CBY1: variants seen among roughly 807,000 people sequenced by gnomAD.
The protein encoded by CBY1 is chibby 1, beta catenin antagonist.
Under a neutral mutation model 15.6 loss-of-function variants are expected in CBY1, and 10 were observed. That is an observed-to-expected ratio of 0.64 (90% CI 0.40 to 1.09). CBY1 has a LOEUF of 1.09. CBY1 is among the 50% of genes least tolerant of loss of function. The probability of loss-of-function intolerance (pLI) is 0.01; values close to 1 mark genes in which losing one functional copy is unlikely to be tolerated. For synonymous variants in CBY1, 61 were observed against 63.5 expected, an observed-to-expected ratio of 0.96 and a Z score of 0.19; for missense variants, 150 against 160.5, an observed-to-expected ratio of 0.93 and a Z score of 0.35.
At chr22:38,660,806 C>CA (rs138690) in intron 1 of CBY1, among the ~76,000 whole-genome samples, 4 of 152,116 alleles carry the variant, frequency 2.6e-5, no homozygotes, top group South Asian at 4.1e-4. Flanking sequence ...GACACGATCT[C>CA]CCTCACCGCA....
intron 1 of CBY1, chr22:38,657,094 G>A (rs2092400784): frequency 2.0e-6 from 2 of 982,652 alleles, no homozygotes; most frequent in South Asian, 9.4e-5. Context: ...GTATATCTTT[G>A]AGAATCCGAT....
chr22:38,665,315 A>G (rs1303302765), intron 1 of CBY1, among the ~76,000 whole-genome samples: 1 of 152,126 alleles, frequency 6.6e-6, no homozygotes, highest in Non-Finnish European at 1.5e-5. Context: ...AATGCAGAAA[A>G]TTAGCCAGCA....
chr22:38,658,283 AC>A (rs2092409291), intron 1 of CBY1, among the ~76,000 whole-genome samples: 1 of 151,432 alleles, frequency 6.6e-6, no homozygotes, highest in Admixed American at 6.6e-5. Context: ...ACACCACCAC[AC>A]CCGACTAATT....
At position 38,666,152 on chromosome 22, in the gene CBY1, T is replaced by C. The variant is rs558673451; in HGVS notation, c.-38-1865T>C. On this transcript the variant is annotated intron_variant, in intron 1 of 4. Coordinates refer to ENST00000216029, the MANE Select transcript of CBY1 (RefSeq NM_015373.4). The stretch of plus-strand genomic sequence containing the variant: ...CACGCCTGGCCCTGGAGGGTGGTTA[T>C]ACTTGTGTAGTAAAAACTCATGAAA... Among the ~76,000 whole-genome samples, 4 of 150,832 alleles carry C rather than the reference T, an allele frequency of 2.7e-5. No homozygotes were observed. In the East Asian group the frequency reaches 7.8e-4, roughly 29 times the overall value.
intron 4 of CBY1, among the ~76,000 whole-genome samples, chr22:38,671,957 T>C (rs890680399): frequency 2.0e-5 from 3 of 149,032 alleles, no homozygotes; most frequent in Admixed American, 6.7e-5. Context: ...GATGCCATCT[T>C]TTTTTTTTTT....
intron 4 of CBY1, among the ~76,000 whole-genome samples, chr22:38,672,931 G>T (rs1274919065): frequency 6.6e-6 from 1 of 152,120 alleles, no homozygotes; most frequent in African/African-American, 2.4e-5. Context: ...ATGCCCTCGT[G>T]GGTGACAGCG....
chr22:38,671,167 A>G lies in CBY1; in HGVS notation c.282A>G (p.Lys94=). The G allele has an allele frequency of 6.2e-7, 1 of 1,613,672 alleles. No individual in the cohort carries two copies. The highest frequency in any genetic ancestry group is 2.2e-5 in the East Asian group (1 of 44,886). Residue 94 remains lysine (K), a synonymous_variant, in exon 4 of 5, where the codon AAA becomes AAG. Coordinates refer to ENST00000216029, the MANE Select transcript of CBY1 (RefSeq NM_015373.4). ...AAGAGAACAATCTCTTGCGGCTGAA[A>G]GTGGACATCTTATTAGACATGGTGA... ...LEEENNLLRL[K]VDILLDMLSE...
chr22:38,659,758 A>T (rs2092416473), intron 1 of CBY1, among the ~76,000 whole-genome samples: 1 of 148,446 alleles, frequency 6.7e-6, no homozygotes, highest in Non-Finnish European at 1.5e-5. Context: ...GCTACTCGGG[A>T]GGCTGAGGCG....
At chr22:38,670,608 T>G in intron 2 of CBY1, 1 of 330,186 alleles carries the variant, frequency 3.0e-6, no homozygotes. Flanking sequence ...GCTTAAACTA[T>G]TAAGTGTCAA....
At chr22:38,662,301 C>A (rs201777675) in intron 1 of CBY1, among the ~76,000 whole-genome samples, 40 of 132,924 alleles carry the variant, frequency 3.0e-4, no homozygotes, top group South Asian at 7.0e-4. Context: ...GACTCTGTCT[C>A]AAAAAAAAAA....
chr22:38,667,296 C>A (rs1174334654), intron 1 of CBY1, among the ~76,000 whole-genome samples: 4 of 152,126 alleles, frequency 2.6e-5, no homozygotes. Flanking sequence ...TAGTTGTGTG[C>A]CACCATGCCA....
At chr22:38,664,008 C>T (rs555219215) in intron 1 of CBY1, among the ~76,000 whole-genome samples, 30 of 145,522 alleles carry the variant, frequency 2.1e-4, no homozygotes, top group Non-Finnish European at 7.5e-5. Flanking sequence ...GGTGACAGAG[C>T]GAGACTGTGT....
rs1183188198 is a variant in CBY1 at position 38,673,815 on chromosome 22, T to G, written c.*579T>G. On this transcript the variant is annotated 3_prime_UTR_variant, in exon 5 of 5. Transcript: ENST00000216029. ...TATATTTTTATGCTACTTTCCTGTT[T>G]GCACTACTACTTTTTTATTAAACGA... is the stretch of plus-strand genomic sequence containing the variant. 1 of 152,488 alleles carries G rather than the reference T, an allele frequency of 6.6e-6. No homozygotes were observed. The highest frequency in any genetic ancestry group is 1.5e-5 in the Non-Finnish European group (1 of 68,256). The allele number at this position is 152,488 out of a possible 1,614,324, so 9.4% of individuals were successfully genotyped here.
At position 38,673,281 on chromosome 22, in the gene CBY1, T is replaced by TC. The variant is rs2092458502; in HGVS notation, c.*45_*46insC. 5 of 1,167,060 alleles carry TC rather than the reference T, an allele frequency of 4.3e-6. No individual in the cohort carries two copies. In the East Asian group the frequency reaches 1.3e-4, roughly 30 times the overall value. 72.3% of individuals were successfully genotyped at this position (1,167,060 alleles called of 1,614,324 possible). A position where few individuals can be genotyped will look rare whatever the true frequency, so the allele number is the denominator to read the frequency against. On this transcript the variant is annotated 3_prime_UTR_variant, in exon 5 of 5. Coordinates refer to ENST00000216029, the MANE Select transcript of CBY1 (RefSeq NM_015373.4). The stretch of plus-strand genomic sequence containing the variant: ...TGGGGAGTAGGATGTGGCTGAGTGC[T>TC]TTTTTTTTGGCCAGACTAGCGGATT...
intron 1 of CBY1, among the ~76,000 whole-genome samples, chr22:38,661,546 A>T (rs1002495636): frequency 2.6e-5 from 4 of 152,240 alleles, no homozygotes; most frequent in Non-Finnish European, 4.4e-5. Context: ...TCATTTATTT[A>T]TAAATTACAT....
intron 2 of CBY1, chr22:38,668,356 C>T (rs780436957): frequency 8.8e-6 from 4 of 456,086 alleles, no homozygotes; most frequent in Non-Finnish European, 1.6e-5. Flanking sequence ...TGATATTTGA[C>T]CCCAAATATC....
chr22:38,673,652 G>C lies in CBY1; in HGVS notation c.*416G>C. 1 of 165,902 alleles carries C rather than the reference G, an allele frequency of 6.0e-6. No individual in the cohort carries two copies. The highest frequency in any genetic ancestry group is 1.6e-4 in the South Asian group (1 of 6,312). The allele number at this position is 165,902 out of a possible 1,614,324, so 10.3% of individuals were successfully genotyped here. ...AGCAGTTCTACAGAGCTCTGTGTTG[G>C]GGTCATGGATGAGCGGCTCTCTTGG... On this transcript the variant is annotated 3_prime_UTR_variant, in exon 5 of 5. Transcript: ENST00000216029.
chr22:38,671,097 G>T lies in CBY1; in HGVS notation c.212G>T (p.Arg71Leu). ...AETGVSGGVD[R>L]REVQRLRRRN... ...ACAGGGGTTAGTGGCGGTGTGGACC[G>T]GAGGGAGGTTCAGCGCCTTCGCAGG... Residue 71 changes from arginine (R) to leucine (L), a missense_variant, in exon 4 of 5, where the codon CGG becomes CTG. By Grantham distance (102) the Arg-to-Leu change is moderately radical. Coordinates refer to ENST00000216029, the MANE Select transcript of CBY1 (RefSeq NM_015373.4). 1 of 1,614,210 alleles carries T rather than the reference G, an allele frequency of 6.2e-7. No homozygotes were observed. The highest frequency in any genetic ancestry group is 8.5e-7 in the Non-Finnish European group (1 of 1,180,020).
At chr22:38,671,608 C>A in intron 4 of CBY1, 1 of 204,568 alleles carries the variant, frequency 4.9e-6, no homozygotes, top group Non-Finnish European at 1.0e-5. Context: ...AATCAGTGCC[C>A]AGTACAGACC....
Sources: allele counts gnomAD v4.1 joint callset (sites outside exome capture counted in the v4.1 genomes callset), GRCh38; gene constraint gnomAD v4.1.1; transcripts MANE v1.5; gene names NCBI Gene and HGNC (gene_info 2026-07-23, HGNC 2026-07-21).